PIK3C2G: variants seen among roughly 807,000 people sequenced by gnomAD.
The protein encoded by PIK3C2G is phosphatidylinositol 3-kinase C2 domain-containing subunit gamma.
In PIK3C2G, 168 loss-of-function variants were observed where a neutral mutation model predicts 181.1. That is an observed-to-expected ratio of 0.93 (90% CI 0.82 to 1.05). The LOEUF (loss-of-function observed/expected upper bound fraction) is 1.05, where lower values mean the gene tolerates loss of function less well. Among genes scored for constraint, PIK3C2G ranks in the 50% least tolerant of loss-of-function variants. The pLI is 0.00. For missense variants in PIK3C2G, 1,869 were observed against 1,732.8 expected (o/e 1.08, Z -1.40); for synonymous variants, 573 against 592.2 (o/e 0.97, Z 0.47).
At position 18,497,874 on chromosome 12, in the gene PIK3C2G, A is replaced by C; in HGVS notation, c.3016+126A>C. The C allele has an allele frequency of 5.6e-6, 3 of 540,486 alleles. 1 individual carries two copies. Among genetic ancestry groups the C allele is most frequent in the Middle Eastern group, 6.7e-4 (2 of 2,992 alleles). The allele number at this position is 540,486 out of a possible 1,614,324, so 33.5% of individuals were successfully genotyped here. On this transcript the variant is annotated intron_variant, in intron 22 of 32. Coordinates refer to ENST00000538779, the MANE Select transcript of PIK3C2G (RefSeq NM_001288772.2). The stretch of plus-strand genomic sequence containing the variant: ...AGTTTGAAAATCCAAAGAACTATAC[A>C]CATTCTTCTTTTTTTAAAGAATTAT...
At chr12:18,498,189 CT>C (rs1941167316) in intron 22 of PIK3C2G, among the ~76,000 whole-genome samples, 1 of 152,118 alleles carries the variant, frequency 6.6e-6, no homozygotes, top group African/African-American at 2.4e-5. Context: ...TTCTAAAATA[CT>C]TTTGAGTAGA....
intron 15 of PIK3C2G, among the ~76,000 whole-genome samples, chr12:18,393,559 A>C (rs1473104689): frequency 6.6e-6 from 1 of 152,136 alleles, no homozygotes; most frequent in Non-Finnish European, 1.5e-5. Flanking sequence ...ATGTCAACCA[A>C]AAAATGCTTC....
At chr12:18,324,229 A>C (rs549337915) in intron 7 of PIK3C2G, among the ~76,000 whole-genome samples, 6 of 152,130 alleles carry the variant, frequency 3.9e-5, no homozygotes, top group African/African-American at 1.2e-4. Context: ...AAAAAAAAAA[A>C]ACCACTGCCA....
chr12:18,299,799 T>C (rs1950101938), intron 5 of PIK3C2G, among the ~76,000 whole-genome samples: 1 of 152,002 alleles, frequency 6.6e-6, no homozygotes, highest in Non-Finnish European at 1.5e-5. Context: ...AGCATTTGGT[T>C]TTTATTCTTC....
chr12:18,413,074 A>G (rs1186310194), intron 16 of PIK3C2G, among the ~76,000 whole-genome samples: 2 of 151,894 alleles, frequency 1.3e-5, no homozygotes, highest in African/African-American at 2.4e-5. Context: ...CTTTTTATTA[A>G]CCCTTACAAT....
intron 25 of PIK3C2G, among the ~76,000 whole-genome samples, chr12:18,539,074 A>G (rs1201868151): frequency 6.6e-6 from 1 of 151,952 alleles, no homozygotes; most frequent in Admixed American, 6.6e-5. Flanking sequence ...TTTGGAGTCT[A>G]TGAAAAATAA....
chr12:18,498,776 C>T (rs536348697), intron 22 of PIK3C2G, among the ~76,000 whole-genome samples: 1 of 152,136 alleles, frequency 6.6e-6, no homozygotes, highest in South Asian at 2.1e-4. Flanking sequence ...TCGTACTAGC[C>T]AATTGATTTG....
At chr12:18,683,262 C>T in the PIK3C2G span, 5 of 1,612,370 alleles carry the variant, frequency 3.1e-6, no homozygotes, top group African/African-American at 4.0e-5. Context: ...CAAACATAAA[C>T]AAACAGTGAA....
rs185607867 is a variant in PIK3C2G, at chr12:18,644,052, T to A, written c.4308+3498T>A. Among the ~76,000 whole-genome samples the A allele has an allele frequency of 1.9e-3, 291 of 152,248 alleles. 2 individuals carry two copies. Among genetic ancestry groups the A allele is most frequent in the Non-Finnish European group, 4.4e-4 (30 of 68,020 alleles). On this transcript the variant is annotated intron_variant, in intron 32 of 32. Transcript: ENST00000538779. ...CTCCTTTCTCCTTAATATCCAGAGA[T>A]GAGAGGGGCTGGGTCGGGGACACAG...
intron 18 of PIK3C2G, among the ~76,000 whole-genome samples, chr12:18,436,858 A>C (rs935232852): frequency 3.3e-5 from 5 of 151,980 alleles, no homozygotes; most frequent in Non-Finnish European, 7.4e-5. Context: ...TCATAGTGTG[A>C]GTTGTTTTGT....
chr12:18,437,747 T>C (rs1040072163), intron 18 of PIK3C2G, among the ~76,000 whole-genome samples: 2 of 151,936 alleles, frequency 1.3e-5, no homozygotes, highest in Non-Finnish European at 2.9e-5. Flanking sequence ...CAATAAAATG[T>C]TGACATAAAT....
chr12:18,507,679 T>A (rs993488505), intron 24 of PIK3C2G, among the ~76,000 whole-genome samples: 6 of 152,228 alleles, frequency 3.9e-5, no homozygotes, highest in Admixed American at 1.3e-4. Flanking sequence ...TCTTTTTTTT[T>A]AATTTTGATG....
rs147039653 is a variant in PIK3C2G at position 18,464,590 on chromosome 12, G to C, written c.2505-23859G>C. Among the ~76,000 whole-genome samples, 8 of 152,090 alleles carry C rather than the reference G, an allele frequency of 5.3e-5. No homozygotes were observed. The East Asian group carries it at 1.5e-3, about 29-fold the overall frequency. ...AATCTTTCTCATCAGAAGAAGAAAT[G>C]ACTTTAATTATTCCAATTCACTTTT... is the stretch of plus-strand genomic sequence containing the variant. On this transcript the variant is annotated intron_variant, in intron 18 of 32. Coordinates refer to ENST00000538779, the MANE Select transcript of PIK3C2G (RefSeq NM_001288772.2).
At chr12:18,525,220 G>T (rs139558305) in intron 24 of PIK3C2G, among the ~76,000 whole-genome samples, 1 of 151,674 alleles carries the variant, frequency 6.6e-6, no homozygotes, top group Admixed American at 6.6e-5. Flanking sequence ...ATAAAACCCC[G>T]TCCCTACTAA....
intron 1 of PIK3C2G, among the ~76,000 whole-genome samples, chr12:18,274,235 G>C (rs1404068039): frequency 6.6e-6 from 1 of 152,206 alleles, no homozygotes; most frequent in African/African-American, 2.4e-5. Flanking sequence ...CATTGTGGAA[G>C]TCAGTGTGGC....
At chr12:18,329,302 A>C (rs1020400043) in intron 8 of PIK3C2G, among the ~76,000 whole-genome samples, 1 of 151,922 alleles carries the variant, frequency 6.6e-6, no homozygotes, top group Non-Finnish European at 1.5e-5. Flanking sequence ...ACAATTAAAG[A>C]ATAATAATAG....
intron 22 of PIK3C2G, among the ~76,000 whole-genome samples, chr12:18,501,945 G>A (rs977802248): frequency 4.6e-5 from 7 of 152,168 alleles, no homozygotes; most frequent in Non-Finnish European, 8.8e-5. Flanking sequence ...ACTTTCTTCA[G>A]GAAGTATTAA....
At chr12:18,475,378 A>ACAC (rs2135994772) in intron 18 of PIK3C2G, among the ~76,000 whole-genome samples, 1 of 140,200 alleles carries the variant, frequency 7.1e-6, no homozygotes, top group African/African-American at 2.7e-5. Context: ...ACCCCAACAC[A>ACAC]CACACACACA....
chr12:18,646,456 T>G (rs1315050234), intron 32 of PIK3C2G, among the ~76,000 whole-genome samples: 1 of 152,106 alleles, frequency 6.6e-6, no homozygotes, highest in Non-Finnish European at 1.5e-5. Flanking sequence ...ACCTATTTAC[T>G]TGGTAAGTGA....
Sources: allele counts gnomAD v4.1 joint callset (sites outside exome capture counted in the v4.1 genomes callset), GRCh38; gene constraint gnomAD v4.1.1; transcripts MANE v1.5; gene names NCBI Gene and HGNC (gene_info 2026-07-23, HGNC 2026-07-21).